CPED1: variants seen among roughly 807,000 people sequenced by gnomAD.
The protein encoded by CPED1 is cadherin like and PC-esterase domain containing 1.
CPED1 carries 114 observed loss-of-function variants against 128.2 expected under a neutral mutation model. The observed-to-expected ratio is 0.89, with a 90% confidence interval of 0.76 to 1.04. The LOEUF is 1.04. Ranked by LOEUF, CPED1 falls within the 50% of genes least tolerant of loss-of-function variation. The probability of loss-of-function intolerance (pLI) is 0.00; values close to 1 mark genes in which losing one functional copy is unlikely to be tolerated. For synonymous variants in CPED1, 462 were observed against 426.7 expected, an observed-to-expected ratio of 1.08 and a Z score of -1.02; for missense variants, 1,211 against 1,207.1, an observed-to-expected ratio of 1.00 and a Z score of -0.05.
intron 22 of CPED1, among the ~76,000 whole-genome samples, chr7:121,295,140 A>AACACACACACACACAC (rs35927183): frequency 0.016 from 2,328 of 145,814 alleles, 73 homozygotes; most frequent in South Asian, 0.069. Context: ...CTGGCCTGAA[A>AACACACACACACACAC]ACACACACAC....
chr7:121,069,476 T>C (rs1048326302), intron 5 of CPED1, among the ~76,000 whole-genome samples: 2 of 152,056 alleles, frequency 1.3e-5, no homozygotes, highest in East Asian at 3.9e-4. Context: ...CTGGAACCCA[T>C]GCAAGTGAGG....
intron 4 of CPED1, among the ~76,000 whole-genome samples, chr7:121,055,648 T>C (rs1341313353): frequency 6.6e-6 from 1 of 151,186 alleles, no homozygotes; most frequent in African/African-American, 2.4e-5. Context: ...TATAGTTCAG[T>C]TTTTTTCTGT....
chr7:121,245,127 C>A (rs1562848068), intron 18 of CPED1, among the ~76,000 whole-genome samples: 1 of 152,054 alleles, frequency 6.6e-6, no homozygotes, highest in Non-Finnish European at 1.5e-5. Context: ...TTTCACAAAG[C>A]TCTATTAAAA....
intron 7 of CPED1, among the ~76,000 whole-genome samples, chr7:121,108,441 C>A (rs1795031304): frequency 6.6e-6 from 1 of 152,046 alleles, no homozygotes; most frequent in South Asian, 2.1e-4. Context: ...AGAATGATAT[C>A]CCTCAGATGA....
At chr7:121,214,627 T>G (rs1797718446) in intron 16 of CPED1, among the ~76,000 whole-genome samples, 1 of 151,988 alleles carries the variant, frequency 6.6e-6, no homozygotes, top group East Asian at 1.9e-4. Context: ...ATTATAAACA[T>G]GTATAAAAAT....
At chr7:121,194,044 A>ATTTTT (rs1198290127) in intron 16 of CPED1, among the ~76,000 whole-genome samples, 1 of 66,430 alleles carries the variant, frequency 1.5e-5, no homozygotes, top group Admixed American at 1.7e-4. Context: ...ATATATATAT[A>ATTTTT]TATATTTTTT....
chr7:121,052,822 A>C (rs1017287041), intron 4 of CPED1, among the ~76,000 whole-genome samples: 1 of 152,136 alleles, frequency 6.6e-6, no homozygotes, highest in Admixed American at 6.5e-5. Context: ...TCCTGGGTTC[A>C]AGTGATTCTC....
intron 4 of CPED1, among the ~76,000 whole-genome samples, chr7:121,060,733 G>T (rs1793639062): frequency 6.6e-6 from 1 of 152,222 alleles, no homozygotes; most frequent in African/African-American, 2.4e-5. Context: ...GGATGTGGGT[G>T]GGGCCAGATA....
chr7:121,278,789 G>GTC (rs1792378977), intron 22 of CPED1, among the ~76,000 whole-genome samples: 1 of 152,056 alleles, frequency 6.6e-6, no homozygotes, highest in African/African-American at 2.4e-5. Context: ...TTAAATCAAG[G>GTC]TCTCTCTCTT....
At chr7:121,165,172 A>C (rs1796495917) in intron 16 of CPED1, among the ~76,000 whole-genome samples, 1 of 152,208 alleles carries the variant, frequency 6.6e-6, no homozygotes, top group Non-Finnish European at 1.5e-5. Context: ...AAAAAAGGAA[A>C]AGTAATATCA....
chr7:121,289,249 C>A lies in CPED1; in HGVS notation c.2869-6191C>A, dbSNP rs183351634. 7.2e-5 allele frequency among the ~76,000 whole-genome samples: 11 copies of A among 152,264 alleles called. No individual in the cohort carries two copies. The East Asian group carries it at 2.1e-3, about 29-fold the overall frequency. ...CTTCCATAGCTACAGGAAAACATTTCTTTGGGGTTAGCAGAGTATAACTGG... is the reference window on the plus strand; with the variant it reads ...CTTCCATAGCTACAGGAAAACATTTATTTGGGGTTAGCAGAGTATAACTGG... On this transcript the variant is annotated intron_variant, in intron 22 of 22. Coordinates refer to ENST00000310396, the MANE Select transcript of CPED1 (RefSeq NM_024913.5).
At chr7:121,002,647 G>A (rs190965028) in intron 2 of CPED1, among the ~76,000 whole-genome samples, 1 of 150,552 alleles carries the variant, frequency 6.6e-6, no homozygotes, top group Non-Finnish European at 1.5e-5. Context: ...GGGAAGAAAG[G>A]AGGTGAGTGT....
chr7:120,993,922 G>T, intron 2 of CPED1: 1 of 304,318 alleles, frequency 3.3e-6, no homozygotes. Context: ...TGGCTTCTCA[G>T]GGCAGCCACT....
chr7:121,026,146 A>G (rs1427104982), intron 3 of CPED1, among the ~76,000 whole-genome samples: 1 of 152,194 alleles, frequency 6.6e-6, no homozygotes, highest in Non-Finnish European at 1.5e-5. Flanking sequence ...TGCCAACTTT[A>G]TATTTCCATT....
At chr7:121,086,583 A>G (rs1794430147) in intron 5 of CPED1, among the ~76,000 whole-genome samples, 1 of 152,200 alleles carries the variant, frequency 6.6e-6, no homozygotes, top group Non-Finnish European at 1.5e-5. Flanking sequence ...CCCAAATGTC[A>G]ACTCAGACTC....
In CPED1 at chr7:121,266,088, G is replaced by A. The variant is rs1792116400; in HGVS notation, c.2311-139G>A. 7.7e-6 allele frequency: 5 copies of A among 653,424 alleles called. No homozygotes were observed. In the East Asian group the frequency reaches 1.4e-4, roughly 18 times the overall value. The allele number at this position is 653,424 out of a possible 1,614,324, so 40.5% of individuals were successfully genotyped here. A position where few individuals can be genotyped will look rare whatever the true frequency, so the allele number is the denominator to read the frequency against. On this transcript the variant is annotated intron_variant, in intron 18 of 22. Transcript: ENST00000310396. Reference sequence around the variant, plus strand: ...AGGTTTGGGAGAGAATATAATGAATGTTATTTCTAACAATTTGAAGGGCTG... The same window carrying A: ...AGGTTTGGGAGAGAATATAATGAATATTATTTCTAACAATTTGAAGGGCTG...
chr7:121,221,379 T>C lies in CPED1; in HGVS notation c.2056-15335T>C, dbSNP rs1797873543. ...AGTCTATCATTGGTGGACATTTGGG[T>C]TGGTTCCAAGTCTTTGCTATTGTGA... On this transcript the variant is annotated intron_variant, in intron 16 of 22. Coordinates refer to ENST00000310396, the MANE Select transcript of CPED1 (RefSeq NM_024913.5). Among the ~76,000 whole-genome samples the C allele has an allele frequency of 2.6e-5, 4 of 152,214 alleles. 1 individual carries two copies. The highest frequency in any genetic ancestry group is 2.6e-4 in the Admixed American group (4 of 15,280).
intron 2 of CPED1, among the ~76,000 whole-genome samples, chr7:121,008,133 A>G (rs893176333): frequency 2.6e-5 from 4 of 152,114 alleles, no homozygotes; most frequent in African/African-American, 9.7e-5. Flanking sequence ...AAAACAAAAC[A>G]AGAAAAGCAC....
At chr7:121,186,882 T>G (rs1292610442) in intron 16 of CPED1, among the ~76,000 whole-genome samples, 1 of 152,198 alleles carries the variant, frequency 6.6e-6, no homozygotes. Context: ...ATATATCCAT[T>G]GTGCTGGGTC....
Sources: allele counts gnomAD v4.1 joint callset (sites outside exome capture counted in the v4.1 genomes callset), GRCh38; gene constraint gnomAD v4.1.1; transcripts MANE v1.5; gene names NCBI Gene and HGNC (gene_info 2026-07-23, HGNC 2026-07-21).